The following TMEM94 variants were observed in gnomAD, a reference collection of about 807,000 sequenced individuals.
TMEM94 encodes ER Mg2+ ATPase.
In TMEM94, 81 loss-of-function variants were observed where a neutral mutation model predicts 158.6. The ratio of observed to expected loss-of-function variants is 0.51; its 90% CI spans 0.43 to 0.61. The LOEUF (loss-of-function observed/expected upper bound fraction) is 0.61, where lower values mean the gene tolerates loss of function less well. TMEM94 is among the 20% of genes least tolerant of loss of function. TMEM94 has a pLI of 0.00. For missense variants in TMEM94, 1,435 were observed against 1,762.0 expected (o/e 0.81, Z 3.32); for synonymous variants, 751 against 730.7 (o/e 1.03, Z -0.45).
At chr17:75,467,442 T>C (rs1159351985) in intron 1 of TMEM94, among the ~76,000 whole-genome samples, 3 of 151,754 alleles carry the variant, frequency 2.0e-5, no homozygotes, top group Admixed American at 1.3e-4. Flanking sequence ...ATTTTCTCCA[T>C]ATACAATTGA....
intron 1 of TMEM94, among the ~76,000 whole-genome samples, chr17:75,465,754 G>C (rs919021671): frequency 2.7e-5 from 4 of 149,666 alleles, no homozygotes; most frequent in African/African-American, 1.0e-4. Flanking sequence ...GCTCAGGCTA[G>C]ACTCAAACTC....
At chr17:75,482,358 A>G (rs1428340857) in intron 2 of TMEM94, among the ~76,000 whole-genome samples, 1 of 151,866 alleles carries the variant, frequency 6.6e-6, no homozygotes, top group East Asian at 1.9e-4. Flanking sequence ...AAAAGAAAAA[A>G]AAAAAAGCAA....
intron 2 of TMEM94, among the ~76,000 whole-genome samples, chr17:75,483,183 G>T (rs1598374460): frequency 6.6e-6 from 1 of 152,206 alleles, no homozygotes; most frequent in Non-Finnish European, 1.5e-5. Context: ...AGGAAAGGAG[G>T]CCAGGGAGGC....
Position 75,485,771 on chromosome 17 carries a change from G to T in TMEM94, c.145-100G>T. 6.9e-7 allele frequency: 1 copy of T among 1,456,452 alleles called. No homozygotes were observed. 90.2% of individuals were successfully genotyped at this position (1,456,452 alleles called of 1,614,324 possible). Reference sequence around the variant, plus strand: ...AGCCCAGCCGAGGTCAAAGAGAGGGGACCAAGGCGGCCATGGGGGCTGGGA... The same window carrying T: ...AGCCCAGCCGAGGTCAAAGAGAGGGTACCAAGGCGGCCATGGGGGCTGGGA... On this transcript the variant is annotated intron_variant, in intron 3 of 31. Coordinates refer to ENST00000314256, the MANE Select transcript of TMEM94 (RefSeq NM_014738.6). This position sits in a 1 kb window ranked among gnomAD's most constrained non-coding sequence, Gnocchi z 5.5.
In TMEM94 at chr17:75,493,878, T is replaced by A; in HGVS notation, c.2369T>A (p.Ile790Asn). Residue 790 changes from isoleucine (I) to asparagine (N), a missense_variant, in exon 18 of 32, where the codon ATC (isoleucine) becomes AAC (asparagine). This residue lies in a region of TMEM94 where 1,051 missense variants were observed against 1,254.4 expected (regional missense o/e 0.84). Transcript: ENST00000314256. ...TMCELPSTIPIKQNARRSSWS... is the reference protein window; with the variant it reads ...TMCELPSTIPNKQNARRSSWS... ...TGCGAGCTGCCCAGCACCATCCCCA[T>A]CAAGCAGAACGCCCGCCGCAGCAGC... 6.2e-7 allele frequency: 1 copy of A among 1,612,146 alleles called. No individual in the cohort carries two copies. The highest frequency in any genetic ancestry group is 1.7e-4 in the Middle Eastern group (1 of 6,052).
intron 24 of TMEM94, 97 bp from the exon 25 acceptor site, chr17:75,496,633 A>G (rs2052715247): frequency 2.1e-6 from 3 of 1,430,048 alleles, no homozygotes; most frequent in South Asian, 1.2e-5. Flanking sequence ...TCGTAGAAGC[A>G]TCCTGGGCGT....
chr17:75,493,763 A>T lies in TMEM94; in HGVS notation c.2254A>T (p.Lys752Ter). 1 of 1,614,114 alleles carries T rather than the reference A, an allele frequency of 6.2e-7. No homozygotes were observed. The highest frequency in any genetic ancestry group is 8.5e-7 in the Non-Finnish European group (1 of 1,180,026). Residue 752 changes from lysine to a stop codon, truncating the protein, a stop_gained, in exon 18 of 32, where the codon AAG becomes TAG. Coordinates refer to ENST00000314256, the MANE Select transcript of TMEM94 (RefSeq NM_014738.6). LOFTEE classifies it high-confidence loss of function. ...TGGGTATTGCTCTGCCTTCGCCTAC[A>T]AGCCCATGAACTGCGCCCTGTCCTC... ...LSGYCSAFAY[K>*]PMNCALSSQL...
Position 75,490,627 on chromosome 17 carries a change from C to T in TMEM94, c.1072-75C>T, listed in dbSNP as rs576057371. The T allele has an allele frequency of 3.1e-5, 42 of 1,368,112 alleles. 1 individual carries two copies. The highest frequency in any genetic ancestry group is 1.4e-4 in the Admixed American group (8 of 57,550). 84.7% of individuals were successfully genotyped at this position (1,368,112 alleles called of 1,614,324 possible). A position where few individuals can be genotyped will look rare whatever the true frequency, so the allele number is the denominator to read the frequency against. Reference sequence around the variant, plus strand: ...TGGGAGCCCCGCTGGTGTGGGCCCCCCCTCTGCCAGCTTGGAGAGGCCTGT... The same window carrying T: ...TGGGAGCCCCGCTGGTGTGGGCCCCTCCTCTGCCAGCTTGGAGAGGCCTGT... On this transcript the variant is annotated intron_variant, in intron 10 of 31. Transcript: ENST00000314256.
chr17:75,480,269 G>A (rs995680465), intron 2 of TMEM94, among the ~76,000 whole-genome samples: 1 of 152,192 alleles, frequency 6.6e-6, no homozygotes, highest in Non-Finnish European at 1.5e-5. Flanking sequence ...TGGCCTGTGC[G>A]GGCAAGAGCT....
At chr17:75,463,032 AAAAAAATATATATATATATATAT>A (rs1260241586) in intron 1 of TMEM94, among the ~76,000 whole-genome samples, 5 of 5,960 alleles carry the variant, frequency 8.4e-4, no homozygotes, top group African/African-American at 4.8e-3. Context: ...AAAAAAAAAA[AAAAAAATATATATATATATATAT>A]ATATATATAT....
At chr17:75,490,435 GC>G in intron 10 of TMEM94, 85 bp downstream of exon 10, 1 of 1,472,718 alleles carries the variant, frequency 6.8e-7, no homozygotes, top group Non-Finnish European at 9.2e-7. Flanking sequence ...CAGAAGTCCA[GC>G]CCCACCTTGG....
Position 75,489,475 on chromosome 17 carries a change from A to G in TMEM94, c.868-101A>G. On this transcript the variant is annotated intron_variant, in intron 8 of 31. Coordinates refer to ENST00000314256, the MANE Select transcript of TMEM94 (RefSeq NM_014738.6). This position sits in a 1 kb window ranked among gnomAD's most constrained non-coding sequence, Gnocchi z 5.0. Reference sequence around the variant, plus strand: ...AGCGGGAGTGAATGCAGAGGGTCCCAGAGTGAGCCAGCCTGTGGAGTAGCA... The same window carrying G: ...AGCGGGAGTGAATGCAGAGGGTCCCGGAGTGAGCCAGCCTGTGGAGTAGCA... The G allele has an allele frequency of 6.8e-7, 1 of 1,477,558 alleles. No homozygotes were observed. Among genetic ancestry groups the G allele is most frequent in the Non-Finnish European group, 9.5e-7 (1 of 1,057,316 alleles). 91.5% of individuals were successfully genotyped at this position (1,477,558 alleles called of 1,614,324 possible).
In TMEM94 at chr17:75,492,760, G is replaced by A; in HGVS notation, c.1883G>A (p.Trp628Ter). The change falls in exon 15 of 32, where the codon TGG (tryptophan) becomes TAG (stop). Residue 628 changes from tryptophan (W) to a stop codon, truncating the protein, a stop_gained. Transcript: ENST00000314256. LOFTEE classifies it high-confidence loss of function. This position sits in a 1 kb window ranked among gnomAD's most constrained non-coding sequence, Gnocchi z 4.4. Reference sequence around the variant, plus strand: ...GCCGTGCTGCCCGTCCATGTGCCCTGGGGCCTCTGCGAGCTTGCCCGCCTC... The same window carrying A: ...GCCGTGCTGCCCGTCCATGTGCCCTAGGGCCTCTGCGAGCTTGCCCGCCTC... ...HSAVLPVHVP[W>*]GLCELARLIG... 1 of 1,608,060 alleles carries A rather than the reference G, an allele frequency of 6.2e-7. No homozygotes were observed. The highest frequency in any genetic ancestry group is 8.5e-7 in the Non-Finnish European group (1 of 1,179,676).
Position 75,490,318 on chromosome 17 carries a change from G to A in TMEM94, c.1039G>A (p.Ala347Thr). ...ATACGEARVL[A>T]QMSKASPSSL... ...TGCCTGTGGAGAGGCCCGTGTCCTG[G>A]CCCAGATGAGCAAGGCCTCACCCAG... Residue 347 changes from alanine to threonine, a missense_variant, in exon 10 of 32, where the codon GCC becomes ACC. Transcript: ENST00000314256. The A allele has an allele frequency of 6.2e-7, 1 of 1,613,946 alleles. No individual in the cohort carries two copies. The highest frequency in any genetic ancestry group is 8.5e-7 in the Non-Finnish European group (1 of 1,180,004).
Position 75,493,900 on chromosome 17 carries a change from CA to C in TMEM94, c.2392del (p.Ser798AlafsTer21). On this transcript the variant is annotated frameshift_variant, in exon 18 of 32. Transcript: ENST00000314256. LOFTEE classifies it high-confidence loss of function. ...CCATCAAGCAGAACGCCCGCCGCAG[CA>C]GCTGGAGCTCTGACGGTACCTCATG... The part of the protein sequence containing the change: ...IPIKQNARRS[S>X]WSSDEGIGEV... 1 of 1,612,072 alleles carries C rather than the reference CA, an allele frequency of 6.2e-7. No individual in the cohort carries two copies. The highest frequency in any genetic ancestry group is 8.5e-7 in the Non-Finnish European group (1 of 1,179,950).
Position 75,488,109 on chromosome 17 carries a change from C to T in TMEM94, c.587C>T (p.Ser196Leu), listed in dbSNP as rs746443963. 8 of 1,614,182 alleles carry T rather than the reference C, an allele frequency of 5.0e-6. No individual in the cohort carries two copies. Among genetic ancestry groups the T allele is most frequent in the Middle Eastern group, 1.6e-4 (1 of 6,062 alleles). The stretch of plus-strand genomic sequence containing the variant: ...ATAGCTTTGAGGCCTGGCCAGGAAT[C>T]GTTTGCTTCTCTGAGGGGGATCAAG... The part of the protein sequence containing the change: ...DIIALRPGQE[S>L]FASLRGIKDD... The change falls in exon 6 of 32, where the codon TCG becomes TTG. Residue 196 changes from serine (S) to leucine (L), a missense_variant. Physicochemically the swap from Ser to Leu is moderately radical, Grantham distance 145. Transcript: ENST00000314256.
At position 75,464,376 on chromosome 17, in the gene TMEM94, G is replaced by A. The variant is rs536812241; in HGVS notation, c.-106-7424G>A. Among the ~76,000 whole-genome samples, 58 of 151,970 alleles carry A rather than the reference G, an allele frequency of 3.8e-4. 1 individual carries two copies. The highest frequency in any genetic ancestry group is 1.3e-3 in the African/African-American group (54 of 41,418). On this transcript the variant is annotated intron_variant, in intron 1 of 31. Transcript: ENST00000314256. ...CACATACCTGTGATCCTAGCTACTC[G>A]GGAGGCTGAGGTGGGAGGATCACTT...
chr17:75,496,455 T>C lies in TMEM94; in HGVS notation c.3227T>C (p.Ile1076Thr), dbSNP rs1365733722. The C allele has an allele frequency of 6.2e-7, 1 of 1,612,572 alleles. No individual in the cohort carries two copies. Among genetic ancestry groups the C allele is most frequent in the Non-Finnish European group, 8.5e-7 (1 of 1,179,352 alleles). The change falls in exon 24 of 32, where the codon ATC becomes ACC. Residue 1076 changes from isoleucine to threonine, a missense_variant. Around this residue, in one of 3 missense-constraint regions of TMEM94, gnomAD observed 335 missense variants for 409.1 expected, o/e 0.82. Coordinates refer to ENST00000314256, the MANE Select transcript of TMEM94 (RefSeq NM_014738.6). ...CGCCAGGAGGAGACCATCAGCATCA[T>C]CCGGCTTATCGAACAGGTGGGTGCT... is the stretch of plus-strand genomic sequence containing the variant. ...TFRQEETISI[I>T]RLIEQARHAT...
Position 75,489,527 on chromosome 17 carries a change from TC to T in TMEM94, c.868-46del. The T allele has an allele frequency of 1.9e-6, 3 of 1,548,940 alleles. No individual in the cohort carries two copies. Among genetic ancestry groups the T allele is most frequent in the Non-Finnish European group, 2.7e-6 (3 of 1,120,886 alleles). The stretch of plus-strand genomic sequence containing the variant: ...AGGAAGGGGAACGGCAGTGCCTGGG[TC>T]CCTCTAGAGGGGCGGGGTCAAGGCT... On this transcript the variant is annotated intron_variant, in intron 8 of 31. Coordinates refer to ENST00000314256, the MANE Select transcript of TMEM94 (RefSeq NM_014738.6). This position sits in a 1 kb window ranked among gnomAD's most constrained non-coding sequence, Gnocchi z 5.0.
Sources: gnomAD v4.1 joint callset for allele counts (sites outside exome capture counted in the v4.1 genomes callset) on GRCh38, gnomAD v4.1.1 for gene constraint, gnomAD v4.1.1 regional missense constraint, Gnocchi (gnomAD v3.1) non-coding constraint, MANE v1.5 for transcripts, NCBI Gene and HGNC (gene_info 2026-07-23, HGNC 2026-07-21) for gene names.